SIRPA: variants seen among roughly 807,000 people sequenced by gnomAD.
The protein encoded by SIRPA is tyrosine-protein phosphatase non-receptor type substrate 1.
Under a neutral mutation model 50.3 loss-of-function variants are expected in SIRPA, and 9 were observed. The observed-to-expected ratio is 0.18, with a 90% CI of 0.11 to 0.31. The LOEUF is 0.31. Among genes scored for constraint, SIRPA ranks in the 10% least tolerant of loss-of-function variants. The pLI, the probability that SIRPA is intolerant of heterozygous loss-of-function variation, is 1.00. For missense variants in SIRPA, 474 were observed against 661.6 expected (o/e 0.72, Z 3.11); for synonymous variants, 265 against 284.1 (o/e 0.93, Z 0.68).
chr20:1,903,025 AAAAAAAAGAAAAG>A (rs1300912875), intron 1 of SIRPA, among the ~76,000 whole-genome samples: 2 of 139,018 alleles, frequency 1.4e-5, no homozygotes, highest in Non-Finnish European at 3.1e-5. Flanking sequence ...AAAAAAAAAA[AAAAAAAAGAAAAG>A]AAAGAAAAGA....
chr20:1,916,545 C>T (rs866419148), intron 2 of SIRPA, among the ~76,000 whole-genome samples: 17 of 152,222 alleles, frequency 1.1e-4, no homozygotes, highest in South Asian at 2.1e-4. Flanking sequence ...CATCAGTTTC[C>T]TAAAGGTTCA....
chr20:1,937,029 TAGGAGGAGGCAGGAAC>T lies in SIRPA; in HGVS notation c.1267-290_1267-275del, dbSNP rs1986612970. Among the ~76,000 whole-genome samples the T allele has an allele frequency of 6.6e-6, 1 of 151,828 alleles. No individual in the cohort carries two copies. ...GGTGAAGACTGCAGGTGGTTCAGGCTAGGAGGAGGCAGGAACGGGAGGAGGTGACACTGAGGCGGGG... is the reference window on the plus strand; with the variant it reads ...GGTGAAGACTGCAGGTGGTTCAGGCTGGGAGGAGGTGACACTGAGGCGGGG... On this transcript the variant is annotated intron_variant, in intron 7 of 7. Transcript: ENST00000358771. This position sits in a 1 kb window ranked among gnomAD's most constrained non-coding sequence, Gnocchi z 8.3.
At chr20:1,926,649 A>G (rs1450135381) in intron 5 of SIRPA, among the ~76,000 whole-genome samples, 2 of 152,190 alleles carry the variant, frequency 1.3e-5, no homozygotes, top group Admixed American at 1.3e-4. Flanking sequence ...GTCAGTGCTC[A>G]CCACAGACCT....
intron 1 of SIRPA, among the ~76,000 whole-genome samples, chr20:1,908,689 C>T (rs1409531802): frequency 6.6e-6 from 1 of 152,168 alleles, no homozygotes; most frequent in Non-Finnish European, 1.5e-5. Flanking sequence ...CTCTTATGCA[C>T]CCTCAGCACA....
At chr20:1,910,527 C>T (rs539555387) in intron 1 of SIRPA, among the ~76,000 whole-genome samples, 6 of 152,158 alleles carry the variant, frequency 3.9e-5, no homozygotes, top group African/African-American at 1.2e-4. Flanking sequence ...TCTAGACATG[C>T]GATTGACCAA....
At chr20:1,926,893 C>G (rs1986011190) in intron 5 of SIRPA, among the ~76,000 whole-genome samples, 1 of 152,210 alleles carries the variant, frequency 6.6e-6, no homozygotes, top group Admixed American at 6.5e-5. Flanking sequence ...AGTGAAATGT[C>G]CTGATTTCAA....
chr20:1,921,014 C>T (rs907280414), intron 2 of SIRPA, among the ~76,000 whole-genome samples: 3 of 152,218 alleles, frequency 2.0e-5, no homozygotes, highest in Admixed American at 6.5e-5. Context: ...CCTCTATAAA[C>T]GCTCTCTCTG....
intron 4 of SIRPA, among the ~76,000 whole-genome samples, chr20:1,923,003 C>T (rs1056924920): frequency 1.4e-5 from 2 of 138,776 alleles, no homozygotes; most frequent in Admixed American, 1.5e-4. Context: ...TTTCTAGCCC[C>T]TGCCTCATCT....
chr20:1,895,382 C>G, upstream of SIRPA: 6 of 976,484 alleles, frequency 6.1e-6, no homozygotes, highest in East Asian at 3.3e-5. Context: ...TTTCCCCGCT[C>G]CAGCCTGCTC....
rs1269298810 is a variant in SIRPA, at chr20:1,932,859, A to C, written c.1227-1856A>C. ...GACTGACTCCCACTTCTCCAGCCTG[A>C]GCACAGGATGACCGATGGTAGAGCT... On this transcript the variant is annotated intron_variant, in intron 6 of 7. Transcript: ENST00000358771. This position sits in a 1 kb window ranked among gnomAD's most constrained non-coding sequence, Gnocchi z 6.0. 6.6e-6 allele frequency among the ~76,000 whole-genome samples: 1 copy of C among 152,236 alleles called. No homozygotes were observed. The highest frequency in any genetic ancestry group is 1.5e-5 in the Non-Finnish European group (1 of 68,044).
At chr20:1,902,690 C>T (rs546637893) in intron 1 of SIRPA, among the ~76,000 whole-genome samples, 3 of 152,166 alleles carry the variant, frequency 2.0e-5, no homozygotes, top group South Asian at 2.1e-4. Flanking sequence ...GAGGGAGGGC[C>T]GCTCTAAGGA....
chr20:1,900,395 C>G (rs1984117087), intron 1 of SIRPA, among the ~76,000 whole-genome samples: 1 of 152,102 alleles, frequency 6.6e-6, no homozygotes, highest in Non-Finnish European at 1.5e-5. Flanking sequence ...CCCAGCTGTC[C>G]TTGTAGCTTT....
chr20:1,906,147 A>C (rs745440556), intron 1 of SIRPA, among the ~76,000 whole-genome samples: 5 of 152,114 alleles, frequency 3.3e-5, no homozygotes, highest in Non-Finnish European at 5.9e-5. Flanking sequence ...TATCATCATC[A>C]TCATCATCAG....
chr20:1,925,470 A>G lies in SIRPA; in HGVS notation c.1201+593A>G, dbSNP rs544944631. Among the ~76,000 whole-genome samples the G allele has an allele frequency of 1.8e-4, 27 of 152,352 alleles. No individual in the cohort carries two copies. In the East Asian group the frequency reaches 2.9e-3, roughly 16 times the overall value. On this transcript the variant is annotated intron_variant, in intron 5 of 7. Transcript: ENST00000358771. ...AAAGCCCCCTCACAGGGCAAGGTGCATAGCCTTTGACTGCACAGCAGGAGG... is the reference window on the plus strand; with the variant it reads ...AAAGCCCCCTCACAGGGCAAGGTGCGTAGCCTTTGACTGCACAGCAGGAGG...
chr20:1,919,017 TG>T (rs1985485083), intron 2 of SIRPA, among the ~76,000 whole-genome samples: 1 of 152,208 alleles, frequency 6.6e-6, no homozygotes, highest in South Asian at 2.1e-4. Context: ...TGGGACCGAA[TG>T]AGTTAAATCC....
intron 1 of SIRPA, among the ~76,000 whole-genome samples, chr20:1,903,480 C>A (rs6075316): frequency 0.49 from 73,751 of 151,740 alleles, 20,786 homozygotes; most frequent in African/African-American, 0.77. Flanking sequence ...GCCGTCCTTG[C>A]CCCCTTCGGG....
intron 1 of SIRPA, among the ~76,000 whole-genome samples, chr20:1,912,835 T>C (rs1984981078): frequency 6.6e-6 from 1 of 152,222 alleles, no homozygotes. Context: ...CGAGGCAGCC[T>C]TTCCAGTTGG....
intron 2 of SIRPA, among the ~76,000 whole-genome samples, chr20:1,917,072 A>G (rs965288592): frequency 1.3e-5 from 2 of 151,880 alleles, no homozygotes; most frequent in Admixed American, 6.6e-5. Context: ...AGATCTGCTG[A>G]CTCCTAGCAG....
In SIRPA at chr20:1,895,538, C is replaced by T; in HGVS notation, c.79+12C>T. 12 of 1,441,552 alleles carry T rather than the reference C, an allele frequency of 8.3e-6. No individual in the cohort carries two copies. Among genetic ancestry groups the T allele is most frequent in the Non-Finnish European group, 1.1e-5 (12 of 1,098,558 alleles). 89.3% of individuals were successfully genotyped at this position (1,441,552 alleles called of 1,614,324 possible). ...CTGCGCCTGGTCAGGTAAGCACCCC[C>T]CCGCTCCCCACCGCTGCACTCCCCA... is the stretch of plus-strand genomic sequence containing the variant. On this transcript the variant is annotated intron_variant, in intron 1 of 7. Coordinates refer to ENST00000358771, the MANE Select transcript of SIRPA (RefSeq NM_001040023.2).
Sources: gnomAD v4.1 joint callset for allele counts (sites outside exome capture counted in the v4.1 genomes callset) on GRCh38, gnomAD v4.1.1 for gene constraint, Gnocchi (gnomAD v3.1) non-coding constraint, MANE v1.5 for transcripts, NCBI Gene and HGNC (gene_info 2026-07-23, HGNC 2026-07-21) for gene names.